PDE3A: variants seen among roughly 807,000 people sequenced by gnomAD.
The protein encoded by PDE3A is phosphodiesterase 3A.
A neutral mutation model predicts 98.3 loss-of-function variants in PDE3A; 43 were observed. That is an observed-to-expected ratio of 0.44 (90% CI 0.34 to 0.56). The LOEUF is 0.56. PDE3A is among the 20% of genes least tolerant of loss of function. PDE3A has a pLI of 0.01. For missense variants in PDE3A, 1,427 were observed against 1,440.7 expected (o/e 0.99, Z 0.15); for synonymous variants, 663 against 567.9 (o/e 1.17, Z -2.38).
At chr12:20,671,903 T>C (rs1227620239) in intron 15 of PDE3A, among the ~76,000 whole-genome samples, 1 of 145,662 alleles carries the variant, frequency 6.9e-6, no homozygotes, top group Non-Finnish European at 1.5e-5. Flanking sequence ...AAAGAGGAAG[T>C]CAAATTGTCC....
At chr12:20,598,039 TC>T (rs1026855544) in intron 2 of PDE3A, among the ~76,000 whole-genome samples, 49 of 152,006 alleles carry the variant, frequency 3.2e-4, no homozygotes, top group African/African-American at 1.2e-3. Flanking sequence ...GAAAACACAC[TC>T]TGTTTTCCAA....
chr12:20,369,703 T>A lies in PDE3A; in HGVS notation c.419T>A (p.Leu140Gln), dbSNP rs1943425581. 2 of 1,612,052 alleles carry A rather than the reference T, an allele frequency of 1.2e-6. No individual in the cohort carries two copies. The highest frequency in any genetic ancestry group is 8.5e-7 in the Non-Finnish European group (1 of 1,179,692). The stretch of plus-strand genomic sequence containing the variant: ...CCCTCGGCGCTGCTCTTCAGTCTCC[T>A]GTGTGCCTTCTTCTGGATGGGCTTG... ...LQPSALLFSL[L>Q]CAFFWMGLYL... The change falls in exon 1 of 16, where the codon CTG (leucine) becomes CAG (glutamine). Residue 140 changes from leucine to glutamine, a missense_variant. Transcript: ENST00000359062.
intron 2 of PDE3A, among the ~76,000 whole-genome samples, chr12:20,567,150 C>A (rs550433550): frequency 6.6e-6 from 1 of 151,716 alleles, no homozygotes; most frequent in Non-Finnish European, 1.5e-5. Context: ...ATTATGGCAA[C>A]CTTGTGTATA....
intron 1 of PDE3A, among the ~76,000 whole-genome samples, chr12:20,502,840 A>C (rs1321118470): frequency 1.3e-5 from 2 of 152,158 alleles, no homozygotes; most frequent in African/African-American, 2.4e-5. Flanking sequence ...CTGCCAATAG[A>C]AGATGGTTAA....
At position 20,397,414 on chromosome 12, in the gene PDE3A, G is replaced by A. The variant is rs1591885248; in HGVS notation, c.960+27170G>A. On this transcript the variant is annotated intron_variant, in intron 1 of 15. Coordinates refer to ENST00000359062, the MANE Select transcript of PDE3A (RefSeq NM_000921.5). ...CTCAATAAACGTTTTGAGCCCTTTT[G>A]GTACCTATAAAGATACATATAAAGA... 1.3e-5 allele frequency among the ~76,000 whole-genome samples: 2 copies of A among 151,776 alleles called. 1 individual carries two copies. Among genetic ancestry groups the A allele is most frequent in the South Asian group, 4.2e-4 (2 of 4,810 alleles).
At chr12:20,567,542 G>A (rs1261814932) in intron 2 of PDE3A, among the ~76,000 whole-genome samples, 1 of 151,996 alleles carries the variant, frequency 6.6e-6, no homozygotes, top group Non-Finnish European at 1.5e-5. Context: ...TACTTAAGGA[G>A]AAGATAGTAT....
intron 1 of PDE3A, among the ~76,000 whole-genome samples, chr12:20,416,051 A>C (rs1403598614): frequency 1.3e-5 from 2 of 152,204 alleles, no homozygotes; most frequent in African/African-American, 4.8e-5. Context: ...TACATGGTGG[A>C]TCCCATCACT....
intron 1 of PDE3A, among the ~76,000 whole-genome samples, chr12:20,386,072 A>T (rs1943768925): frequency 2.2e-5 from 1 of 44,896 alleles, no homozygotes; most frequent in Non-Finnish European, 3.9e-5. Flanking sequence ...ATATATATAA[A>T]ATATATATAA....
chr12:20,667,126 T>G (rs1565469763), intron 15 of PDE3A, among the ~76,000 whole-genome samples: 2 of 152,198 alleles, frequency 1.3e-5, no homozygotes, highest in Non-Finnish European at 2.9e-5. Context: ...AGAATTTTTT[T>G]GTTTTTGTTT....
chr12:20,406,661 T>C (rs187114525), intron 1 of PDE3A, among the ~76,000 whole-genome samples: 4 of 152,320 alleles, frequency 2.6e-5, no homozygotes, highest in African/African-American at 9.6e-5. Flanking sequence ...GTAGGTTGCA[T>C]TTTCATTTCA....
At chr12:20,568,437 A>G (rs1319033089) in intron 2 of PDE3A, among the ~76,000 whole-genome samples, 1 of 151,994 alleles carries the variant, frequency 6.6e-6, no homozygotes, top group African/African-American at 2.4e-5. Context: ...CATTTTATGC[A>G]CTGGTGGTTG....
At chr12:20,491,044 G>T (rs529575084) in intron 1 of PDE3A, among the ~76,000 whole-genome samples, 7 of 152,244 alleles carry the variant, frequency 4.6e-5, no homozygotes, top group African/African-American at 1.4e-4. Flanking sequence ...GAGGCCCACT[G>T]TAATCTAGCC....
At chr12:20,518,876 A>G (rs1440781049) in intron 1 of PDE3A, among the ~76,000 whole-genome samples, 1 of 152,236 alleles carries the variant, frequency 6.6e-6, no homozygotes, top group Non-Finnish European at 1.5e-5. Context: ...TGGTAGCCAC[A>G]GTCACATGTG....
chr12:20,445,455 G>A (rs76048421), intron 1 of PDE3A, among the ~76,000 whole-genome samples: 9,211 of 151,978 alleles, frequency 0.061, 626 homozygotes, highest in African/African-American at 0.16. Flanking sequence ...ACTTTCCCTC[G>A]GGACTTACAG....
intron 5 of PDE3A, among the ~76,000 whole-genome samples, chr12:20,621,699 G>T (rs572065734): frequency 5.3e-5 from 8 of 152,106 alleles, no homozygotes; most frequent in African/African-American, 1.9e-4. Flanking sequence ...ATCATCTGTG[G>T]TAGCATCATC....
intron 2 of PDE3A, among the ~76,000 whole-genome samples, chr12:20,557,460 T>A (rs1021491699): frequency 6.6e-5 from 10 of 152,180 alleles, no homozygotes; most frequent in Admixed American, 5.2e-4. Context: ...ACTGTAAACA[T>A]GCAAAATAAA....
intron 5 of PDE3A, among the ~76,000 whole-genome samples, chr12:20,627,389 C>T (rs905825029): frequency 6.7e-6 from 1 of 149,492 alleles, no homozygotes. Context: ...GCCCAGCAAC[C>T]TCTCTGACCA....
At chr12:20,458,769 C>T (rs1193552589) in intron 1 of PDE3A, among the ~76,000 whole-genome samples, 1 of 152,118 alleles carries the variant, frequency 6.6e-6, no homozygotes, top group Non-Finnish European at 1.5e-5. Flanking sequence ...AAACACAGAG[C>T]TATTCCAGTG....
rs536450472 is a variant in PDE3A, at chr12:20,683,129, G to A, written c.*2858G>A. On this transcript the variant is annotated 3_prime_UTR_variant, in exon 16 of 16. Transcript: ENST00000359062. ...AAATAAATTGCTATTACAGCTAGAC[G>A]TCAATTGGGATAAATAAAGGGATGA... is the stretch of plus-strand genomic sequence containing the variant. 1 of 152,240 alleles carries A rather than the reference G, an allele frequency of 6.6e-6. No individual in the cohort carries two copies. The highest frequency in any genetic ancestry group is 2.4e-5 in the African/African-American group (1 of 41,554). The allele number at this position is 152,240 out of a possible 1,614,324, so 9.4% of individuals were successfully genotyped here.
Sources: gnomAD v4.1 joint callset for allele counts (sites outside exome capture counted in the v4.1 genomes callset) on GRCh38, gnomAD v4.1.1 for gene constraint, MANE v1.5 for transcripts, NCBI Gene and HGNC (gene_info 2026-07-23, HGNC 2026-07-21) for gene names.